Variants in CTBP1 observed in about 807,000 individuals in gnomAD.
CTBP1 encodes the protein C-terminal binding protein 1.
A neutral mutation model predicts 42.1 loss-of-function variants in CTBP1; 11 were observed. The observed-to-expected ratio is 0.26, with a 90% confidence interval of 0.16 to 0.43. CTBP1 has a LOEUF of 0.43. CTBP1 is among the 20% of genes least tolerant of loss of function. CTBP1 has a pLI of 1.00. For synonymous variants in CTBP1, 324 were observed against 277.1 expected (o/e 1.17, Z -1.68); for missense variants, 399 against 624.3 (o/e 0.64, Z 3.85).
At chr4:1,213,772 G>T in intron 7 of CTBP1, 167 bp from the exon 8 acceptor site, 1 of 850,020 alleles carries the variant, frequency 1.2e-6, no homozygotes. Context: ...CACAGCCCCG[G>T]GACCATCAGA....
intron 4 of CTBP1, 121 bp from the exon 5 acceptor site, chr4:1,225,687 C>T: frequency 9.5e-7 from 1 of 1,054,154 alleles, no homozygotes; most frequent in Non-Finnish European, 1.3e-6. Context: ...AGGCCGTGTC[C>T]CCAAGGCCAC....
At position 1,238,011 on chromosome 4, in the gene CTBP1, G is replaced by A. The variant is rs748341522; in HGVS notation, c.162+172C>T. 9.4e-6 allele frequency: 8 copies of A among 851,496 alleles called. No homozygotes were observed. In the South Asian group the frequency reaches 1.1e-4, roughly 12 times the overall value. 52.7% of individuals were successfully genotyped at this position (851,496 alleles called of 1,614,324 possible). On this transcript the variant is annotated intron_variant, in intron 3 of 9. Transcript: ENST00000382952. This position sits in a 1 kb window ranked among gnomAD's most constrained non-coding sequence, Gnocchi z 5.9. ...AACCCGATGTCCACCTCCTGATGGT[G>A]TCCAGGGAAAACCCCGTGTCCACCT...
At chr4:1,234,208 C>T (rs758196094) in intron 3 of CTBP1, among the ~76,000 whole-genome samples, 8 of 152,230 alleles carry the variant, frequency 5.3e-5, no homozygotes, top group African/African-American at 9.7e-5. Context: ...CACACAGCCC[C>T]GGGAGGTCAC....
In CTBP1 at chr4:1,229,182, T is replaced by C. The variant is rs539262429; in HGVS notation, c.163-839A>G. 1.3e-3 allele frequency among the ~76,000 whole-genome samples: 204 copies of C among 152,244 alleles called. 4 individuals are homozygous for C. The South Asian group carries it at 0.04, about 30-fold the overall frequency. On this transcript the variant is annotated intron_variant, in intron 3 of 9. Coordinates refer to ENST00000382952, the MANE Select transcript of CTBP1 (RefSeq NM_001012614.2). ...CCCAGCCCAGGGAGGGCAGGGGCAG[T>C]GTGGGGTGCAGAGGCACACAGGTGG...
intron 1 of CTBP1, among the ~76,000 whole-genome samples, chr4:1,246,857 A>G (rs1732772701): frequency 6.6e-6 from 1 of 152,236 alleles, no homozygotes; most frequent in Non-Finnish European, 1.5e-5. Context: ...ATTTATTAAC[A>G]GAATGATGGT....
In CTBP1 at chr4:1,243,839, T is replaced by A. The variant is rs1732437551; in HGVS notation, c.-188-2320A>T. On this transcript the variant is annotated intron_variant, in intron 1 of 9. Coordinates refer to ENST00000382952, the MANE Select transcript of CTBP1 (RefSeq NM_001012614.2). ...CACACTGCTTTTCCTCATCAAAAAC[T>A]CACAGCCGCACACGGCTCTCAGCCC... The A allele has an allele frequency of 6.1e-6, 6 of 985,252 alleles. No individual in the cohort carries two copies. The South Asian group carries it at 2.8e-4, about 46-fold the overall frequency. The allele number at this position is 985,252 out of a possible 1,614,324, so 61.0% of individuals were successfully genotyped here.
At position 1,236,485 on chromosome 4, in the gene CTBP1, T is replaced by C. The variant is rs374541644; in HGVS notation, c.162+1698A>G. On this transcript the variant is annotated intron_variant, in intron 3 of 9. Transcript: ENST00000382952. ...AAAAGCTGGCATCCCGAGGACCTGC[T>C]CTCTGGGAAAAAACTGAAAATGAAT... 2,271 of 595,592 alleles carry C rather than the reference T, an allele frequency of 3.8e-3. 70 individuals carry two copies. The South Asian group carries it at 0.042, about 11-fold the overall frequency. The allele number at this position is 595,592 out of a possible 1,614,324, so 36.9% of individuals were successfully genotyped here. A position where few individuals can be genotyped will look rare whatever the true frequency, so the allele number is the denominator to read the frequency against.
At position 1,248,838 on chromosome 4, in the gene CTBP1, CCGCGCCCCCCGCCCG is replaced by C. The variant is rs1485065478; in HGVS notation, c.-189+63_-189+77del. ...CCGCGGGCGCGCGCTCGGTCCGCCC[CCGCGCCCCCCGCCCG>C]CGCGGCACCCGCCCCGCCCCGCCCC... is the stretch of plus-strand genomic sequence containing the variant. On this transcript the variant is annotated intron_variant, in intron 1 of 9. Coordinates refer to ENST00000382952, the MANE Select transcript of CTBP1 (RefSeq NM_001012614.2). 9 of 907,308 alleles carry C rather than the reference CCGCGCCCCCCGCCCG, an allele frequency of 9.9e-6. No individual in the cohort carries two copies. The East Asian group carries it at 3.7e-4, about 37-fold the overall frequency. 56.2% of individuals were successfully genotyped at this position (907,308 alleles called of 1,614,324 possible). A position where few individuals can be genotyped will look rare whatever the true frequency, so the allele number is the denominator to read the frequency against.
intron 5 of CTBP1, among the ~76,000 whole-genome samples, chr4:1,222,716 G>T (rs1372653209): frequency 6.6e-6 from 1 of 152,178 alleles, no homozygotes; most frequent in Non-Finnish European, 1.5e-5. Context: ...CTCAGCACGG[G>T]GCCCTGGGAG....
chr4:1,246,952 C>G (rs2108809464), intron 1 of CTBP1, among the ~76,000 whole-genome samples: 1 of 152,344 alleles, frequency 6.6e-6, no homozygotes, highest in East Asian at 1.9e-4. Context: ...GACGAGCCAG[C>G]ACTTCCAATC....
Position 1,234,169 on chromosome 4 carries a change from C to T in CTBP1, c.162+4014G>A, listed in dbSNP as rs1305123322. ...GACCACACACTGCGAAACGCGGACT[C>T]GGCATCCAGGCAGCCCCTGCAGACT... On this transcript the variant is annotated intron_variant, in intron 3 of 9. Coordinates refer to ENST00000382952, the MANE Select transcript of CTBP1 (RefSeq NM_001012614.2). Among the ~76,000 whole-genome samples the T allele has an allele frequency of 4.6e-5, 7 of 152,356 alleles. No homozygotes were observed. The East Asian group carries it at 7.7e-4, about 17-fold the overall frequency.
In CTBP1 at chr4:1,228,209, G is replaced by A. The variant is rs199545251; in HGVS notation, c.297C>T (p.Ala99=). ...TCGGAGCCGGCCTACCTAAATCCCC[G>A]GCCGACTTGATGTCGATGTTGTCAA... ...SGFDNIDIKS[A]GDLGIAVCNV... Residue 99 remains alanine, a synonymous_variant, in exon 4 of 10, where the codon GCC becomes GCT. Transcript: ENST00000382952. 8.1e-6 allele frequency: 13 copies of A among 1,614,104 alleles called. No homozygotes were observed. In the East Asian group the frequency reaches 1.3e-4, roughly 17 times the overall value.
chr4:1,242,707 T>C, intron 1 of CTBP1: 1 of 985,348 alleles, frequency 1.0e-6, no homozygotes, highest in Non-Finnish European at 1.2e-6. Flanking sequence ...TGGAGCGGGA[T>C]CCCCATCACC....
intron 7 of CTBP1, chr4:1,213,818 G>C: frequency 1.7e-6 from 1 of 574,728 alleles, no homozygotes; most frequent in Non-Finnish European, 2.9e-6. Flanking sequence ...GGGTGTGGGA[G>C]CCCAAGGGAT....
chr4:1,245,668 G>T, intron 1 of CTBP1: 1 of 984,048 alleles, frequency 1.0e-6, no homozygotes, highest in Non-Finnish European at 1.2e-6. Context: ...CGGGCGGCAG[G>T]GCAGGGTGGC....
At position 1,225,224 on chromosome 4, in the gene CTBP1, C is replaced by T. The variant is rs1245700296; in HGVS notation, c.514+136G>A. ...TCCCGGGCCCTGGTGCCTGTGCGCACTCAGTCCTGTCCTGGGTTGGGACCG... is the reference window on the plus strand; with the variant it reads ...TCCCGGGCCCTGGTGCCTGTGCGCATTCAGTCCTGTCCTGGGTTGGGACCG... On this transcript the variant is annotated intron_variant, in intron 5 of 9. Transcript: ENST00000382952. 5 of 1,057,970 alleles carry T rather than the reference C, an allele frequency of 4.7e-6. No individual in the cohort carries two copies. The African/African-American group carries it at 4.8e-5, about 10-fold the overall frequency. The allele number at this position is 1,057,970 out of a possible 1,614,324, so 65.5% of individuals were successfully genotyped here. A position where few individuals can be genotyped will look rare whatever the true frequency, so the allele number is the denominator to read the frequency against.
At chr4:1,229,812 A>G (rs950992499) in intron 3 of CTBP1, among the ~76,000 whole-genome samples, 22 of 152,122 alleles carry the variant, frequency 1.4e-4, no homozygotes, top group African/African-American at 5.1e-4. Context: ...ATTCCCTTTG[A>G]GGCTGGCACA....
chr4:1,214,826 G>A (rs919907393), intron 6 of CTBP1, among the ~76,000 whole-genome samples: 11 of 152,198 alleles, frequency 7.2e-5, no homozygotes, highest in African/African-American at 2.7e-4. Context: ...CCCACGCAGG[G>A]CCTCAGCCCA....
Position 1,217,947 on chromosome 4 carries a change from A to G in CTBP1, c.515-1742T>C, listed in dbSNP as rs1161832210. 4 of 152,360 alleles carry G rather than the reference A, an allele frequency of 2.6e-5. No homozygotes were observed. The South Asian group carries it at 6.2e-4, about 24-fold the overall frequency. 9.4% of individuals were successfully genotyped at this position (152,360 alleles called of 1,614,324 possible). ...TGGAGGCTTCCGGAAGATGAATGGT[A>G]ACTCTATAAAGAACCACATAGAAAT... On this transcript the variant is annotated intron_variant, in intron 5 of 9. Transcript: ENST00000382952.
Sources: gnomAD v4.1 joint callset for allele counts (sites outside exome capture counted in the v4.1 genomes callset) on GRCh38, gnomAD v4.1.1 for gene constraint, Gnocchi (gnomAD v3.1) non-coding constraint, MANE v1.5 for transcripts, NCBI Gene and HGNC (gene_info 2026-07-23, HGNC 2026-07-21) for gene names.